Variants in COL23A1 observed in about 807,000 individuals in gnomAD.
COL23A1 encodes collagen alpha-1(XXIII) chain.
A neutral mutation model predicts 99.3 loss-of-function variants in COL23A1; 97 were observed. The observed-to-expected ratio is 0.98, with a 90% CI of 0.83 to 1.16. COL23A1 has a LOEUF of 1.16. Among genes scored for constraint, COL23A1 ranks in the 50% most tolerant of loss-of-function variants. The probability of loss-of-function intolerance (pLI) is 0.00; values close to 1 mark genes in which losing one functional copy is unlikely to be tolerated. For synonymous variants in COL23A1, 320 were observed against 308.2 expected, an observed-to-expected ratio of 1.04 and a Z score of -0.40; for missense variants, 762 against 757.4, an observed-to-expected ratio of 1.01 and a Z score of -0.07.
At chr5:178,407,283 G>A (rs1199665706) in intron 2 of COL23A1, among the ~76,000 whole-genome samples, 1 of 152,150 alleles carries the variant, frequency 6.6e-6, no homozygotes, top group Non-Finnish European at 1.5e-5. Flanking sequence ...TTGAAAAGTT[G>A]GACTTTCACC....
intron 13 of COL23A1, 86 bp downstream of exon 13, chr5:178,257,437 A>G (rs912931979): frequency 6.8e-7 from 1 of 1,475,428 alleles, no homozygotes; most frequent in African/African-American, 1.4e-5. Context: ...CGTGGTGCCA[A>G]AGGTCCAGGG....
At chr5:178,572,294 C>A in intron 1 of COL23A1, among the ~76,000 whole-genome samples, 2 of 151,408 alleles carry the variant, frequency 1.3e-5, no homozygotes, top group Non-Finnish European at 1.5e-5. Context: ...TTCAAGTGGT[C>A]AAAATATGTG....
rs1761494937 is a variant in COL23A1 at position 178,544,834 on chromosome 5, G to A, written c.361+15848C>T. Among the ~76,000 whole-genome samples, 1 of 152,226 alleles carries A rather than the reference G, an allele frequency of 6.6e-6. No individual in the cohort carries two copies. Among genetic ancestry groups the A allele is most frequent in the African/African-American group, 2.4e-5 (1 of 41,458 alleles). On this transcript the variant is annotated intron_variant, in intron 2 of 28. Coordinates refer to ENST00000390654, the MANE Select transcript of COL23A1 (RefSeq NM_173465.4). This position sits in a 1 kb window ranked among gnomAD's most constrained non-coding sequence, Gnocchi z 4.4. ...CCAGCACTTTGGGAGGCCAAAGCGGGTGGATTGGTGGAGCCCAGGAGTTTG... is the reference window on the plus strand; with the variant it reads ...CCAGCACTTTGGGAGGCCAAAGCGGATGGATTGGTGGAGCCCAGGAGTTTG...
intron 2 of COL23A1, among the ~76,000 whole-genome samples, chr5:178,374,523 G>T (rs1477834049): frequency 1.3e-5 from 2 of 152,154 alleles, no homozygotes; most frequent in African/African-American, 4.8e-5. Flanking sequence ...TTGCATTCCA[G>T]CTCTGCCACC....
intron 3 of COL23A1, among the ~76,000 whole-genome samples, chr5:178,292,470 T>C (rs1031606088): frequency 6.6e-6 from 1 of 152,188 alleles, no homozygotes; most frequent in Non-Finnish European, 1.5e-5. Flanking sequence ...ATTCCTGCCC[T>C]TCCTCTGCTC....
chr5:178,513,491 C>CAGGTCTCACCAGGCTAAAATCA (rs1759329113), intron 2 of COL23A1, among the ~76,000 whole-genome samples: 1 of 152,178 alleles, frequency 6.6e-6, no homozygotes, highest in Non-Finnish European at 1.5e-5. Context: ...AAGTCCAGTA[C>CAGGTCTCACCAGGCTAAAATCA]AGGTCTCACC....
Position 178,387,596 on chromosome 5 carries a change from A to C in COL23A1, c.362-80677T>G, listed in dbSNP as rs1330611396. Among the ~76,000 whole-genome samples the C allele has an allele frequency of 1.3e-5, 2 of 152,122 alleles. No individual in the cohort carries two copies. The highest frequency in any genetic ancestry group is 2.9e-5 in the Non-Finnish European group (2 of 68,030). On this transcript the variant is annotated intron_variant, in intron 2 of 28. Transcript: ENST00000390654. This position sits in a 1 kb window ranked among gnomAD's most constrained non-coding sequence, Gnocchi z 4.7. ...GCCGACTGTATTTGGGGTTTGCCTGAGCCTCCCCTCCTGGACCAATAACTT... is the reference window on the plus strand; with the variant it reads ...GCCGACTGTATTTGGGGTTTGCCTGCGCCTCCCCTCCTGGACCAATAACTT...
At chr5:178,482,640 TC>T (rs1177766380) in intron 2 of COL23A1, among the ~76,000 whole-genome samples, 1 of 152,140 alleles carries the variant, frequency 6.6e-6, no homozygotes, top group Non-Finnish European at 1.5e-5. Context: ...ACACCTGTAA[TC>T]CCAGCACTCT....
At chr5:178,463,424 G>A (rs1356193026) in intron 2 of COL23A1, among the ~76,000 whole-genome samples, 1 of 152,158 alleles carries the variant, frequency 6.6e-6, no homozygotes, top group Non-Finnish European at 1.5e-5. Flanking sequence ...ACTGTTACCG[G>A]GTCTGGAAAG....
chr5:178,388,199 C>T (rs2127747440), intron 2 of COL23A1, among the ~76,000 whole-genome samples: 1 of 152,310 alleles, frequency 6.6e-6, no homozygotes, highest in East Asian at 1.9e-4. Flanking sequence ...TGTAAGTCTC[C>T]CTCCAGCAAG....
At chr5:178,412,109 G>C (rs567632217) in intron 2 of COL23A1, among the ~76,000 whole-genome samples, 56 of 152,184 alleles carry the variant, frequency 3.7e-4, no homozygotes, top group Non-Finnish European at 7.3e-4. Flanking sequence ...TGGAAGCAGC[G>C]TAAGTATCGA....
intron 2 of COL23A1, among the ~76,000 whole-genome samples, chr5:178,447,823 G>A (rs990325596): frequency 6.6e-6 from 1 of 152,176 alleles, no homozygotes; most frequent in Admixed American, 6.5e-5. Context: ...AGTAAGGCTG[G>A]TAGAGTACTG....
chr5:178,459,269 A>C (rs1458545538), intron 2 of COL23A1, among the ~76,000 whole-genome samples: 1 of 152,224 alleles, frequency 6.6e-6, no homozygotes, highest in Non-Finnish European at 1.5e-5. Context: ...TGACTTTTAA[A>C]TATTTATACT....
At chr5:178,441,314 A>G (rs531755754) in intron 2 of COL23A1, among the ~76,000 whole-genome samples, 23 of 152,370 alleles carry the variant, frequency 1.5e-4, no homozygotes, top group African/African-American at 5.3e-4. Flanking sequence ...CTCACTTATA[A>G]AACTAATACA....
chr5:178,496,570 C>G (rs536857944), intron 2 of COL23A1, among the ~76,000 whole-genome samples: 2 of 152,150 alleles, frequency 1.3e-5, no homozygotes, highest in Non-Finnish European at 2.9e-5. Context: ...TAAACTTTAA[C>G]TTATTTTACT....
In COL23A1 at chr5:178,509,371, C is replaced by A. The variant is rs180884537; in HGVS notation, c.361+51311G>T. Among the ~76,000 whole-genome samples, 582 of 152,296 alleles carry A rather than the reference C, an allele frequency of 3.8e-3. 6 individuals carry two copies. Among genetic ancestry groups the A allele is most frequent in the African/African-American group, 0.013 (557 of 41,568 alleles). ...TAGTAGCTGGGACTACAAGCGCCCA[C>A]CACCATGCCCGGCTAATTTTTTTGT... On this transcript the variant is annotated intron_variant, in intron 2 of 28. Transcript: ENST00000390654.
At chr5:178,351,695 CA>C (rs1398891888) in intron 2 of COL23A1, among the ~76,000 whole-genome samples, 9 of 152,310 alleles carry the variant, frequency 5.9e-5, no homozygotes, top group Admixed American at 4.6e-4. Flanking sequence ...TTTCTTGGTG[CA>C]CAGCCTCTGG....
intron 2 of COL23A1, among the ~76,000 whole-genome samples, chr5:178,551,943 A>G (rs1264346582): frequency 2.0e-5 from 3 of 152,108 alleles, no homozygotes; most frequent in African/African-American, 7.2e-5. Context: ...CCAAGCAAAC[A>G]AGAGTTCCCA....
At chr5:178,368,916 T>C (rs1042228569) in intron 2 of COL23A1, among the ~76,000 whole-genome samples, 1 of 152,214 alleles carries the variant, frequency 6.6e-6, no homozygotes, top group Non-Finnish European at 1.5e-5. Flanking sequence ...CGAGGGCTGC[T>C]CCTCATGGCA....
Sources: allele counts gnomAD v4.1 joint callset (sites outside exome capture counted in the v4.1 genomes callset), GRCh38; gene constraint gnomAD v4.1.1; non-coding constraint Gnocchi (gnomAD v3.1); transcripts MANE v1.5; gene names NCBI Gene and HGNC (gene_info 2026-07-23, HGNC 2026-07-21).